Variants in ARSG observed in about 807,000 individuals in gnomAD.
The protein encoded by ARSG is arylsulfatase G.
ARSG carries 37 observed loss-of-function variants against 50.5 expected under a neutral mutation model. That is an observed-to-expected ratio of 0.73 (90% CI 0.56 to 0.96). The LOEUF is 0.96. Ranked by LOEUF, ARSG falls within the 50% of genes least tolerant of loss-of-function variation. The probability of loss-of-function intolerance (pLI) is 0.00; values close to 1 mark genes in which losing one functional copy is unlikely to be tolerated. For synonymous variants in ARSG, 225 were observed against 254.6 expected (o/e 0.88, Z 1.11); for missense variants, 629 against 675.3 (o/e 0.93, Z 0.76).
intron 9 of ARSG, among the ~76,000 whole-genome samples, chr17:68,386,582 G>A (rs374307641): frequency 2.6e-5 from 4 of 152,132 alleles, no homozygotes; most frequent in African/African-American, 7.2e-5. Flanking sequence ...TGCTGTCAGC[G>A]GGTACCAGCA....
intron 11 of ARSG, among the ~76,000 whole-genome samples, chr17:68,415,101 G>A (rs2147466140): frequency 6.6e-6 from 1 of 152,022 alleles, no homozygotes; most frequent in Non-Finnish European, 1.5e-5. Context: ...CTAGTTCCTT[G>A]AGGTATGACC....
At chr17:68,419,212 G>A (rs1047919557) in intron 11 of ARSG, among the ~76,000 whole-genome samples, 1 of 151,964 alleles carries the variant, frequency 6.6e-6, no homozygotes, top group Non-Finnish European at 1.5e-5. Context: ...TCAAGAAATC[G>A]ATTTTCAAAA....
At chr17:68,294,843 G>A (rs1555757557) in intron 1 of ARSG, among the ~76,000 whole-genome samples, 1 of 152,102 alleles carries the variant, frequency 6.6e-6, no homozygotes, top group African/African-American at 2.4e-5. Context: ...TTCCTCCCCC[G>A]CAGCACCCCG....
intron 7 of ARSG, among the ~76,000 whole-genome samples, chr17:68,369,808 A>G (rs2146724462): frequency 6.6e-6 from 1 of 152,258 alleles, no homozygotes; most frequent in Non-Finnish European, 1.5e-5. Flanking sequence ...GAAGCTGATG[A>G]CGGTGGCAAT....
intron 9 of ARSG, among the ~76,000 whole-genome samples, chr17:68,385,804 GT>G (rs1031266400): frequency 6.6e-6 from 1 of 152,140 alleles, no homozygotes; most frequent in Non-Finnish European, 1.5e-5. Flanking sequence ...CATCCTTGGG[GT>G]TAAGGCAGGT....
At chr17:68,369,966 A>G (rs1453482934) in intron 7 of ARSG, among the ~76,000 whole-genome samples, 1 of 152,182 alleles carries the variant, frequency 6.6e-6, no homozygotes. Context: ...CACATCTCAT[A>G]TCAAGGGTTG....
intron 8 of ARSG, among the ~76,000 whole-genome samples, chr17:68,384,028 G>A (rs2080575086): frequency 6.6e-6 from 1 of 152,196 alleles, no homozygotes; most frequent in African/African-American, 2.4e-5. Context: ...GTTTGCAACA[G>A]TGCTAGTACA....
chr17:68,424,705 G>A (rs541120102), downstream of ARSG, among the ~76,000 whole-genome samples: 8 of 152,218 alleles, frequency 5.3e-5, no homozygotes, highest in South Asian at 1.0e-3. Context: ...GTGAAACCCC[G>A]TCTCTACTAA....
the ARSG span, among the ~76,000 whole-genome samples, chr17:68,448,634 C>T: frequency 6.6e-6 from 1 of 152,190 alleles, no homozygotes. Context: ...AGAAATCATA[C>T]AAGCAAATAC....
chr17:68,377,569 A>C (rs954198322), intron 8 of ARSG, among the ~76,000 whole-genome samples: 1 of 152,172 alleles, frequency 6.6e-6, no homozygotes, highest in South Asian at 2.1e-4. Flanking sequence ...CAGTGGGGGT[A>C]CTGCCCAGGA....
intron 9 of ARSG, among the ~76,000 whole-genome samples, chr17:68,387,013 G>C (rs1454752222): frequency 6.6e-6 from 1 of 150,674 alleles, no homozygotes; most frequent in East Asian, 1.9e-4. Flanking sequence ...AGTTGTTGCG[G>C]TTTTTGCCAT....
chr17:68,401,535 G>A, intron 11 of ARSG, 85 bp downstream of exon 11: 1 of 1,252,616 alleles, frequency 8.0e-7, no homozygotes, highest in East Asian at 2.5e-5. Flanking sequence ...CTCTGGGAAT[G>A]AGTGTGAGTC....
chr17:68,321,045 C>G (rs2077262986), intron 2 of ARSG, among the ~76,000 whole-genome samples: 1 of 152,062 alleles, frequency 6.6e-6, no homozygotes, highest in African/African-American at 2.4e-5. Flanking sequence ...CGTGCGGTGG[C>G]TACTTAGGAG....
intron 6 of ARSG, among the ~76,000 whole-genome samples, chr17:68,362,861 C>T (rs1192126356): frequency 2.6e-5 from 4 of 152,116 alleles, no homozygotes; most frequent in African/African-American, 7.2e-5. Context: ...AGATGTTAAA[C>T]TCCAAGAGGG....
rs138720104 is a variant in ARSG, at chr17:68,383,748, T to C, written c.983-1316T>C. Reference sequence around the variant, plus strand: ...CGTGAATAAATTGGAGGGAGCTATATGTATTTATGGGAGACGTGGCCCTCG... The same window carrying C: ...CGTGAATAAATTGGAGGGAGCTATACGTATTTATGGGAGACGTGGCCCTCG... On this transcript the variant is annotated intron_variant, in intron 8 of 11. Transcript: ENST00000621439. Among the ~76,000 whole-genome samples the C allele has an allele frequency of 4.4e-3, 665 of 152,316 alleles. 4 individuals carry two copies. Among genetic ancestry groups the C allele is most frequent in the African/African-American group, 0.015 (638 of 41,564 alleles).
intron 11 of ARSG, among the ~76,000 whole-genome samples, chr17:68,410,559 A>G (rs1396000282): frequency 2.0e-5 from 3 of 151,934 alleles, no homozygotes; most frequent in Non-Finnish European, 4.4e-5. Flanking sequence ...ATCAATGTTC[A>G]TCAAGGATAT....
intron 1 of ARSG, among the ~76,000 whole-genome samples, chr17:68,295,147 T>C (rs1261828070): frequency 6.6e-6 from 1 of 152,008 alleles, no homozygotes; most frequent in Non-Finnish European, 1.5e-5. Context: ...CAGGGAAGCC[T>C]TCAACTGGCA....
At chr17:68,263,005 G>A (rs1272171449) in intron 1 of ARSG, among the ~76,000 whole-genome samples, 1 of 152,144 alleles carries the variant, frequency 6.6e-6, no homozygotes, top group South Asian at 2.1e-4. Flanking sequence ...GGAAGTTAGC[G>A]TGCTTGTTCT....
At chr17:68,360,949 C>T (rs963562860) in intron 6 of ARSG, among the ~76,000 whole-genome samples, 33 of 152,112 alleles carry the variant, frequency 2.2e-4, no homozygotes, top group African/African-American at 6.0e-4. Flanking sequence ...CTCAGCCTCC[C>T]GAGTAGCTGG....
Sources: gnomAD v4.1 joint callset for allele counts (sites outside exome capture counted in the v4.1 genomes callset) on GRCh38, gnomAD v4.1.1 for gene constraint, MANE v1.5 for transcripts, NCBI Gene and HGNC (gene_info 2026-07-23, HGNC 2026-07-21) for gene names.